CTNNA3: variants seen among roughly 807,000 people sequenced by gnomAD.
CTNNA3 encodes the protein catenin alpha-3.
A neutral mutation model predicts 95.7 loss-of-function variants in CTNNA3; 76 were observed. That is an observed-to-expected ratio of 0.79 (90% CI 0.66 to 0.96). The LOEUF is 0.96. Ranked by LOEUF, CTNNA3 falls within the 40% of genes least tolerant of loss-of-function variation. The pLI is 0.00. For synonymous variants in CTNNA3, 431 were observed against 374.4 expected (o/e 1.15, Z -1.74); for missense variants, 1,191 against 1,089.8 (o/e 1.09, Z -1.31).
At chr10:67,029,930 C>T (rs2133105574) in intron 7 of CTNNA3, among the ~76,000 whole-genome samples, 1 of 152,322 alleles carries the variant, frequency 6.6e-6, no homozygotes, top group African/African-American at 2.4e-5. Flanking sequence ...CCATGGCTGG[C>T]CAAAGTTCTG....
chr10:67,559,101 T>G (rs554390433), intron 3 of CTNNA3, among the ~76,000 whole-genome samples: 34 of 152,254 alleles, frequency 2.2e-4, no homozygotes, highest in African/African-American at 8.2e-4. Context: ...TCTGCAGACT[T>G]AAATGTCCCT....
intron 5 of CTNNA3, among the ~76,000 whole-genome samples, chr10:67,226,340 G>C (rs1037204138): frequency 1.3e-5 from 2 of 152,138 alleles, no homozygotes; most frequent in Non-Finnish European, 2.9e-5. Context: ...CCTTGCTAGA[G>C]ACCTAGACAT....
chr10:66,980,544 C>T (rs939011951), intron 7 of CTNNA3, among the ~76,000 whole-genome samples: 1 of 151,964 alleles, frequency 6.6e-6, no homozygotes, highest in Non-Finnish European at 1.5e-5. Context: ...TGAACAGGAA[C>T]CAAAACTATT....
chr10:66,853,382 T>A (rs1843565457), intron 7 of CTNNA3, among the ~76,000 whole-genome samples: 1 of 152,092 alleles, frequency 6.6e-6, no homozygotes, highest in Admixed American at 6.6e-5. Flanking sequence ...TCCAGATAAC[T>A]CTCTTTTATG....
intron 11 of CTNNA3, among the ~76,000 whole-genome samples, chr10:66,430,795 A>G (rs1589239184): frequency 2.0e-5 from 3 of 152,354 alleles, no homozygotes; most frequent in African/African-American, 7.2e-5. Context: ...AAAACCATAA[A>G]AACCCTGGAA....
chr10:66,374,963 A>G (rs1179746557), intron 12 of CTNNA3, among the ~76,000 whole-genome samples: 1 of 152,104 alleles, frequency 6.6e-6, no homozygotes, highest in African/African-American at 2.4e-5. Flanking sequence ...CATCAAGAGC[A>G]TATACTTGTC....
intron 13 of CTNNA3, among the ~76,000 whole-genome samples, chr10:66,170,449 A>C (rs1388665038): frequency 6.6e-6 from 1 of 152,024 alleles, no homozygotes; most frequent in Non-Finnish European, 1.5e-5. Flanking sequence ...TGAATAAAAC[A>C]TTACTACATT....
At chr10:66,544,333 C>T (rs918093315) in intron 10 of CTNNA3, among the ~76,000 whole-genome samples, 1 of 152,028 alleles carries the variant, frequency 6.6e-6, no homozygotes, top group Non-Finnish European at 1.5e-5. Flanking sequence ...ATGTTGAACA[C>T]ATCCTAAAGC....
chr10:67,024,057 G>A (rs567089313), intron 7 of CTNNA3, among the ~76,000 whole-genome samples: 86 of 152,224 alleles, frequency 5.6e-4, no homozygotes, highest in Middle Eastern at 6.8e-3. Context: ...ATTATCTTCC[G>A]GAGGACAGAA....
At chr10:66,630,129 C>T (rs572804991) in intron 9 of CTNNA3, among the ~76,000 whole-genome samples, 1 of 152,260 alleles carries the variant, frequency 6.6e-6, no homozygotes, top group East Asian at 1.9e-4. Flanking sequence ...ACACAGTAGA[C>T]AGTCTATAAA....
intron 7 of CTNNA3, among the ~76,000 whole-genome samples, chr10:66,870,175 G>A (rs1844341585): frequency 6.6e-6 from 1 of 151,930 alleles, no homozygotes; most frequent in South Asian, 2.1e-4. Flanking sequence ...AACATTTGGT[G>A]TCTCCTATAA....
chr10:67,521,565 TC>T (rs1329249005), intron 5 of CTNNA3, among the ~76,000 whole-genome samples: 103 of 152,244 alleles, frequency 6.8e-4, no homozygotes, highest in African/African-American at 2.1e-3. Context: ...GCGTCCCTAG[TC>T]AAAGGGTAGT....
chr10:66,393,791 C>T (rs2092952628), intron 11 of CTNNA3, among the ~76,000 whole-genome samples: 1 of 151,966 alleles, frequency 6.6e-6, no homozygotes, highest in Admixed American at 6.6e-5. Flanking sequence ...TGTTACATTT[C>T]ATTTTTATAG....
At chr10:66,741,355 A>G (rs1849320274) in intron 9 of CTNNA3, among the ~76,000 whole-genome samples, 2 of 152,198 alleles carry the variant, frequency 1.3e-5, no homozygotes, top group Admixed American at 6.5e-5. Flanking sequence ...TACAAAGTCT[A>G]AAGACATTAC....
chr10:66,726,376 C>A (rs1259293870), intron 9 of CTNNA3, among the ~76,000 whole-genome samples: 1 of 151,950 alleles, frequency 6.6e-6, no homozygotes, highest in Non-Finnish European at 1.5e-5. Flanking sequence ...AATTATATGC[C>A]AATCTTAACA....
At chr10:66,119,828 G>A (rs538382137) in intron 13 of CTNNA3, among the ~76,000 whole-genome samples, 1 of 152,190 alleles carries the variant, frequency 6.6e-6, no homozygotes, top group Non-Finnish European at 1.5e-5. Flanking sequence ...AGCCCATGTG[G>A]TATCAAAGGG....
intron 1 of CTNNA3, among the ~76,000 whole-genome samples, chr10:67,668,496 A>C (rs2133544747): frequency 6.6e-6 from 1 of 152,330 alleles, no homozygotes; most frequent in South Asian, 2.1e-4. Context: ...TAATAATTAT[A>C]AAATAGAGCA....
chr10:67,586,844 G>T (rs576619307), intron 3 of CTNNA3, among the ~76,000 whole-genome samples: 1 of 151,830 alleles, frequency 6.6e-6, no homozygotes, highest in African/African-American at 2.4e-5. Flanking sequence ...TTGTTTTCTA[G>T]TTTTTAAAAA....
intron 12 of CTNNA3, among the ~76,000 whole-genome samples, chr10:66,326,488 A>G (rs2132303753): frequency 6.6e-6 from 1 of 152,266 alleles, no homozygotes. Flanking sequence ...AGTTAGGTTC[A>G]GTATAGGTAT....
Sources: gnomAD v4.1 joint callset for allele counts (sites outside exome capture counted in the v4.1 genomes callset) on GRCh38, gnomAD v4.1.1 for gene constraint, MANE v1.5 for transcripts, NCBI Gene and HGNC (gene_info 2026-07-23, HGNC 2026-07-21) for gene names.